The following CTNND1 variants were observed in gnomAD, a reference collection of about 807,000 sequenced individuals.
CTNND1 encodes the protein catenin delta 1.
Under a neutral mutation model 112.1 loss-of-function variants are expected in CTNND1, and 16 were observed. The ratio of observed to expected loss-of-function variants is 0.14; its 90% CI spans 0.10 to 0.22. The LOEUF is 0.22. Among genes scored for constraint, CTNND1 ranks in the 10% least tolerant of loss-of-function variants. The pLI is 1.00. For synonymous variants in CTNND1, 420 were observed against 446.5 expected (o/e 0.94, Z 0.75); for missense variants, 1,008 against 1,257.0 (o/e 0.80, Z 3.00).
At chr11:57,814,041 G>A in intron 17 of CTNND1, 1 of 345,970 alleles carries the variant, frequency 2.9e-6, no homozygotes, top group Non-Finnish European at 5.3e-6. Flanking sequence ...GGGGCCAGGT[G>A]TGATGGCTCA....
At chr11:57,781,791 T>C (rs1344680319) in intron 1 of CTNND1, 2 of 152,332 alleles carry the variant, frequency 1.3e-5, no homozygotes, top group Admixed American at 1.3e-4. Context: ...ACCAGTCCTG[T>C]GTGTGCGTCA....
At chr11:57,802,993 A>G (rs1316430107) in intron 7 of CTNND1, among the ~76,000 whole-genome samples, 1 of 152,236 alleles carries the variant, frequency 6.6e-6, no homozygotes, top group East Asian at 1.9e-4. Context: ...TAAACATCCA[A>G]CAATAGACAA....
chr11:57,809,345 G>C lies in CTNND1; in HGVS notation c.2314G>C (p.Glu772Gln). Residue 772 changes from glutamate to glutamine, a missense_variant, in exon 15 of 21, where the codon GAG (glutamate) becomes CAG (glutamine). Glu to Gln is a conservative substitution (Grantham distance 29, BLOSUM62 2). This residue lies in a region of CTNND1 where 254 missense variants were observed against 279.5 expected (regional missense o/e 0.91). Coordinates refer to ENST00000399050, the MANE Select transcript of CTNND1 (RefSeq NM_001085458.2). The part of the protein sequence containing the change: ...GQQNSSWNFS[E>Q]DTVISILNTI... The stretch of plus-strand genomic sequence containing the variant: ...GCAGAACTCCTCTTGGAATTTCTCT[G>C]AGGACACTGTCATCTCTATTTTGAA... The C allele has an allele frequency of 1.2e-6, 2 of 1,613,998 alleles. No individual in the cohort carries two copies. The highest frequency in any genetic ancestry group is 1.1e-5 in the South Asian group (1 of 91,088).
chr11:57,791,475 C>T lies in CTNND1; in HGVS notation c.-4C>T, dbSNP rs1208515536. 1.3e-6 allele frequency: 2 copies of T among 1,503,748 alleles called. No individual in the cohort carries two copies. Among genetic ancestry groups the T allele is most frequent in the East Asian group, 5.1e-5 (2 of 38,994 alleles). 93.2% of individuals were successfully genotyped at this position (1,503,748 alleles called of 1,614,324 possible). On this transcript the variant is annotated 5_prime_UTR_variant, in exon 3 of 21. Transcript: ENST00000399050. ...GCCCTGCGGCGGCTCCGCCCCTTAC[C>T]TTCATGGACGACTCAGAGGTGGAGT... is the stretch of plus-strand genomic sequence containing the variant.
In CTNND1 at chr11:57,772,659, A is replaced by G. The variant is rs563751429; in HGVS notation, c.-214+10540A>G. On this transcript the variant is annotated intron_variant, in intron 1 of 20. Coordinates refer to ENST00000399050, the MANE Select transcript of CTNND1 (RefSeq NM_001085458.2). ...AGGAAGAAGCACCAACTATTTAGTGATTTGATGTTCCATGCATATACGAAA... is the reference window on the plus strand; with the variant it reads ...AGGAAGAAGCACCAACTATTTAGTGGTTTGATGTTCCATGCATATACGAAA... 8.5e-5 allele frequency among the ~76,000 whole-genome samples: 13 copies of G among 152,330 alleles called. No homozygotes were observed. In the South Asian group the frequency reaches 2.7e-3, roughly 32 times the overall value.
rs762252470 is a variant in CTNND1 at position 57,796,750 on chromosome 11, G to C, written c.714G>C (p.Glu238Asp). The C allele has an allele frequency of 4.3e-6, 7 of 1,613,624 alleles. No homozygotes were observed. The highest frequency in any genetic ancestry group is 3.4e-6 in the Non-Finnish European group (4 of 1,179,726). ...GTCTGTCCCGGGTGACCCGCATTGAGGAGCGGTATAGGCCCAGCATGGAAG... is the reference window on the plus strand; with the variant it reads ...GTCTGTCCCGGGTGACCCGCATTGACGAGCGGTATAGGCCCAGCATGGAAG... ...YGSLSRVTRI[E>D]ERYRPSMEGY... Residue 238 changes from glutamate (E) to aspartate (D), a missense_variant, in exon 6 of 21, where the codon GAG (glutamate) becomes GAC (aspartate). Physicochemically the swap from Glu to Asp is conservative, Grantham distance 45 (BLOSUM62 2). Around this residue, in one of 5 missense-constraint regions of CTNND1, gnomAD observed 404 missense variants for 457.9 expected, o/e 0.88. Transcript: ENST00000399050.
rs1054020912 is a variant in CTNND1 at position 57,808,409 on chromosome 11, C to T, written c.2111C>T (p.Ser704Phe). 2 of 1,611,320 alleles carry T rather than the reference C, an allele frequency of 1.2e-6. No individual in the cohort carries two copies. The highest frequency in any genetic ancestry group is 1.3e-5 in the African/African-American group (1 of 74,818). ...TTCTAGTATGGTCGATACATCCGCT[C>T]TGCTCTGCGTCAAGAGAAGGCTCTT... ...GRWTYGRYIR[S>F]ALRQEKALSA... is the part of the protein sequence containing the mutation. The change falls in exon 14 of 21, where the codon TCT becomes TTT. Residue 704 changes from serine (S) to phenylalanine (F), a missense_variant. Coordinates refer to ENST00000399050, the MANE Select transcript of CTNND1 (RefSeq NM_001085458.2).
Position 57,796,033 on chromosome 11 carries a change from A to C in CTNND1, c.420+304A>C, listed in dbSNP as rs536647783. Among the ~76,000 whole-genome samples, 24 of 152,302 alleles carry C rather than the reference A, an allele frequency of 1.6e-4. No homozygotes were observed. In the South Asian group the frequency reaches 3.9e-3, roughly 25 times the overall value. ...AAAGATAGATGGTAGGCTTTAAGGC[A>C]TTCCTAGGTAAAGTGACCTAGGGAT... On this transcript the variant is annotated intron_variant, in intron 5 of 20. Transcript: ENST00000399050.
chr11:57,762,615 C>G (rs560923263), intron 1 of CTNND1, among the ~76,000 whole-genome samples: 1 of 152,226 alleles, frequency 6.6e-6, no homozygotes, highest in African/African-American at 2.4e-5. Context: ...TTTGAACGGC[C>G]CGTATCGGTT....
intron 1 of CTNND1, among the ~76,000 whole-genome samples, chr11:57,773,044 G>A (rs537627): frequency 0.28 from 43,028 of 151,948 alleles, 7,134 homozygotes; most frequent in East Asian, 0.79. Context: ...TAACTGTATC[G>A]TCTTGCATGG....
chr11:57,807,004 C>T (rs953787514), intron 12 of CTNND1, 21 bp downstream of exon 12: 6 of 1,559,506 alleles, frequency 3.8e-6, no homozygotes, highest in Non-Finnish European at 5.3e-6. Flanking sequence ...TTCTCAGTCT[C>T]CAAAGGTCTC....
Position 57,819,024 on chromosome 11 carries a change from T to A in CTNND1, c.*2716T>A, listed in dbSNP as rs1408257894. 6.6e-6 allele frequency: 1 copy of A among 152,238 alleles called. No individual in the cohort carries two copies. The highest frequency in any genetic ancestry group is 1.5e-5 in the Non-Finnish European group (1 of 68,044). The allele number at this position is 152,238 out of a possible 1,614,324, so 9.4% of individuals were successfully genotyped here. On this transcript the variant is annotated 3_prime_UTR_variant, in exon 21 of 21. Coordinates refer to ENST00000399050, the MANE Select transcript of CTNND1 (RefSeq NM_001085458.2). The stretch of plus-strand genomic sequence containing the variant: ...ATATTACCTGGATTACCAGGGACTA[T>A]CTTTGCTGCAGAGATCAAGGGTTAA...
At chr11:57,793,703 T>C (rs1245050673) in intron 3 of CTNND1, among the ~76,000 whole-genome samples, 1 of 152,248 alleles carries the variant, frequency 6.6e-6, no homozygotes, top group African/African-American at 2.4e-5. Context: ...GCACCTGTTA[T>C]GTGCCAGGCA....
chr11:57,766,021 C>T (rs946288205), intron 1 of CTNND1, among the ~76,000 whole-genome samples: 4 of 152,032 alleles, frequency 2.6e-5, no homozygotes, highest in Non-Finnish European at 4.4e-5. Context: ...GGCATGTACC[C>T]GTAGTCCTAG....
At chr11:57,816,106 C>T (rs910587170) in intron 20 of CTNND1, 105 bp downstream of exon 20, 14 of 1,194,372 alleles carry the variant, frequency 1.2e-5, no homozygotes, top group African/African-American at 3.1e-5. Context: ...ACTAAGTAGT[C>T]TCAGCCACAT....
intron 1 of CTNND1, among the ~76,000 whole-genome samples, chr11:57,764,786 C>T (rs1950675503): frequency 6.6e-6 from 1 of 152,132 alleles, no homozygotes; most frequent in East Asian, 1.9e-4. Context: ...TAATATACTG[C>T]CATTCTCCAG....
intron 1 of CTNND1, among the ~76,000 whole-genome samples, chr11:57,784,590 G>C (rs996659928): frequency 2.0e-5 from 3 of 151,946 alleles, no homozygotes; most frequent in Admixed American, 2.0e-4. Flanking sequence ...TGAAACTTTT[G>C]TCTCTTGAGT....
chr11:57,798,618 C>G (rs2061641271), intron 6 of CTNND1, among the ~76,000 whole-genome samples: 1 of 152,050 alleles, frequency 6.6e-6, no homozygotes, highest in South Asian at 2.1e-4. Flanking sequence ...AAGCAGCTGC[C>G]TACTCTGACT....
chr11:57,784,947 T>C (rs1008179750), intron 1 of CTNND1, among the ~76,000 whole-genome samples: 14 of 152,218 alleles, frequency 9.2e-5, no homozygotes, highest in African/African-American at 3.4e-4. Flanking sequence ...TATGGTTTTA[T>C]ATATATTAGC....
Sources: gnomAD v4.1 joint callset for allele counts (sites outside exome capture counted in the v4.1 genomes callset) on GRCh38, gnomAD v4.1.1 for gene constraint, gnomAD v4.1.1 regional missense constraint, MANE v1.5 for transcripts, NCBI Gene and HGNC (gene_info 2026-07-23, HGNC 2026-07-21) for gene names.